Variants in STMP1 observed in about 807,000 individuals in gnomAD.
STMP1 encodes the protein short transmembrane mitochondrial protein 1.
Under a neutral mutation model 7.0 loss-of-function variants are expected in STMP1, and 7 were observed. The observed-to-expected ratio is 1.01, with a 90% CI of 0.57 to 1.89. STMP1 has a LOEUF of 1.89. Ranked by LOEUF, STMP1 falls within the 40% of genes most tolerant of loss-of-function variation. The pLI, the probability that STMP1 is intolerant of heterozygous loss-of-function variation, is 0.00. For missense variants in STMP1, 45 were observed against 53.0 expected (o/e 0.85, Z 0.47); for synonymous variants, 19 against 18.4 (o/e 1.03, Z -0.08).
intron 1 of STMP1, among the ~76,000 whole-genome samples, chr7:135,671,167 G>A (rs898273968): frequency 6.6e-6 from 1 of 152,158 alleles, no homozygotes; most frequent in African/African-American, 2.4e-5. Flanking sequence ...GGCCATATCT[G>A]ATTAATCAAA....
At chr7:135,663,007 T>C (rs1257883304) in intron 1 of STMP1, among the ~76,000 whole-genome samples, 1 of 152,186 alleles carries the variant, frequency 6.6e-6, no homozygotes, top group Non-Finnish European at 1.5e-5. Context: ...GCCCTGCTAG[T>C]TGGCTTTTCT....
chr7:135,672,013 T>C (rs891235730), intron 1 of STMP1, among the ~76,000 whole-genome samples: 2 of 152,224 alleles, frequency 1.3e-5, no homozygotes, highest in African/African-American at 4.8e-5. Flanking sequence ...AGTGTCTTGC[T>C]CTGTCTCCCA....
chr7:135,664,406 A>T (rs1795270569), intron 1 of STMP1, among the ~76,000 whole-genome samples: 2 of 140,168 alleles, frequency 1.4e-5, no homozygotes, highest in African/African-American at 2.7e-5. Context: ...GCTAGAGTCC[A>T]GTGGCACAAT....
At chr7:135,662,741 A>T in intron 1 of STMP1, 147 bp downstream of exon 1, 1 of 889,856 alleles carries the variant, frequency 1.1e-6, no homozygotes, top group Non-Finnish European at 1.7e-6. Context: ...GTCGCCTCGC[A>T]GGGCGGCCGT....
In STMP1 at chr7:135,663,093, C is replaced by G. The variant is rs557292238; in HGVS notation, c.15+499C>G. On this transcript the variant is annotated intron_variant, in intron 1 of 2. Coordinates refer to ENST00000507606, the MANE Select transcript of STMP1 (RefSeq NM_001130929.2). ...TCCGAGAGGCTAAGTCCTCATCAGACCTTTCAGAGTTGGAGGAATGAGTCA... is the reference window on the plus strand; with the variant it reads ...TCCGAGAGGCTAAGTCCTCATCAGAGCTTTCAGAGTTGGAGGAATGAGTCA... Among the ~76,000 whole-genome samples, 349 of 152,280 alleles carry G rather than the reference C, an allele frequency of 2.3e-3. 1 individual carries two copies. The highest frequency in any genetic ancestry group is 7.9e-3 in the African/African-American group (330 of 41,550).
intron 1 of STMP1, among the ~76,000 whole-genome samples, chr7:135,666,450 G>A (rs1424161870): frequency 6.6e-6 from 1 of 152,144 alleles, no homozygotes; most frequent in Non-Finnish European, 1.5e-5. Flanking sequence ...CTTGGTTCGA[G>A]CGATTCTCGT....
chr7:135,675,407 G>C lies in STMP1; in HGVS notation c.*1242G>C, dbSNP rs1175326412. 6.6e-6 allele frequency: 1 copy of C among 151,408 alleles called. No individual in the cohort carries two copies. Among genetic ancestry groups the C allele is most frequent in the Non-Finnish European group, 1.5e-5 (1 of 67,930 alleles). 9.4% of individuals were successfully genotyped at this position (151,408 alleles called of 1,614,324 possible). A position where few individuals can be genotyped will look rare whatever the true frequency, so the allele number is the denominator to read the frequency against. ...TTTTAATGGAGATCATTCTATACCA[G>C]CATGTAAGTAGCAAGGAACCTCATT... On this transcript the variant is annotated 3_prime_UTR_variant, in exon 3 of 3. Coordinates refer to ENST00000507606, the MANE Select transcript of STMP1 (RefSeq NM_001130929.2).
Position 135,670,411 on chromosome 7 carries a change from G to T in STMP1, c.16-2342G>T, listed in dbSNP as rs114442291. 3.4e-3 allele frequency among the ~76,000 whole-genome samples: 515 copies of T among 152,278 alleles called. 3 individuals carry two copies. The highest frequency in any genetic ancestry group is 0.012 in the African/African-American group (488 of 41,554). ...ATTCTTGGCCTGCAAGGAGGTTTCAGACTCATCCAAGACCTCCTATAATCT... is the reference window on the plus strand; with the variant it reads ...ATTCTTGGCCTGCAAGGAGGTTTCATACTCATCCAAGACCTCCTATAATCT... On this transcript the variant is annotated intron_variant, in intron 1 of 2. Coordinates refer to ENST00000507606, the MANE Select transcript of STMP1 (RefSeq NM_001130929.2).
intron 1 of STMP1, among the ~76,000 whole-genome samples, chr7:135,672,155 T>G (rs1795362358): frequency 6.6e-6 from 1 of 152,200 alleles, no homozygotes; most frequent in Non-Finnish European, 1.5e-5. Context: ...AATTTTTGTA[T>G]TTTTAGTAGA....
At chr7:135,663,322 G>A (rs1795255581) in intron 1 of STMP1, among the ~76,000 whole-genome samples, 1 of 152,126 alleles carries the variant, frequency 6.6e-6, no homozygotes, top group African/African-American at 2.4e-5. Flanking sequence ...TTCAAAACTT[G>A]ATGCTTTCAA....
intron 1 of STMP1, among the ~76,000 whole-genome samples, chr7:135,666,345 G>A (rs1383690098): frequency 6.6e-6 from 1 of 150,974 alleles, no homozygotes; most frequent in African/African-American, 2.4e-5. Context: ...ACACTATTAT[G>A]TCTTTGTTTT....
Position 135,674,806 on chromosome 7 carries a change from A to C in STMP1, c.*641A>C, listed in dbSNP as rs554745077. On this transcript the variant is annotated 3_prime_UTR_variant, in exon 3 of 3. Transcript: ENST00000507606. The stretch of plus-strand genomic sequence containing the variant: ...AATGGTCTTTGTCCCAGTAGAGTTC[A>C]TAGTCTATTTAGTGTGCATGTTTTT... The C allele has an allele frequency of 2.6e-5, 4 of 152,340 alleles. 1 individual carries two copies. In the South Asian group the frequency reaches 8.3e-4, roughly 32 times the overall value. The allele number at this position is 152,340 out of a possible 1,614,324, so 9.4% of individuals were successfully genotyped here.
chr7:135,663,580 G>A (rs1256393357), intron 1 of STMP1, among the ~76,000 whole-genome samples: 2 of 152,156 alleles, frequency 1.3e-5, no homozygotes, highest in Non-Finnish European at 2.9e-5. Flanking sequence ...CTGACCTCAA[G>A]TGATCAACCC....
intron 2 of STMP1, 119 bp downstream of exon 2, chr7:135,672,925 C>A: frequency 1.3e-6 from 1 of 773,740 alleles, no homozygotes; most frequent in Non-Finnish European, 2.2e-6. Flanking sequence ...TGAGGCAAAA[C>A]TCCTGAATAT....
intron 1 of STMP1, among the ~76,000 whole-genome samples, chr7:135,664,022 G>A (rs564812487): frequency 7.2e-5 from 11 of 152,336 alleles, no homozygotes; most frequent in East Asian, 1.9e-4. Flanking sequence ...GTAATGGATT[G>A]TTAAATCCAA....
rs1016673364 is a variant in STMP1 at position 135,674,805 on chromosome 7, C to G, written c.*640C>G. 1 of 152,140 alleles carries G rather than the reference C, an allele frequency of 6.6e-6. No homozygotes were observed. Among genetic ancestry groups the G allele is most frequent in the Non-Finnish European group, 1.5e-5 (1 of 68,020 alleles). 9.4% of individuals were successfully genotyped at this position (152,140 alleles called of 1,614,324 possible). A position where few individuals can be genotyped will look rare whatever the true frequency, so the allele number is the denominator to read the frequency against. On this transcript the variant is annotated 3_prime_UTR_variant, in exon 3 of 3. Transcript: ENST00000507606. ...TAATGGTCTTTGTCCCAGTAGAGTT[C>G]ATAGTCTATTTAGTGTGCATGTTTT...
intron 1 of STMP1, among the ~76,000 whole-genome samples, chr7:135,669,705 A>C (rs1263401201): frequency 6.6e-6 from 1 of 152,196 alleles, no homozygotes; most frequent in African/African-American, 2.4e-5. Flanking sequence ...AATGTATTAA[A>C]ATTTTTGGTG....
chr7:135,670,632 C>T (rs144011594), intron 1 of STMP1, among the ~76,000 whole-genome samples: 127 of 152,026 alleles, frequency 8.4e-4, no homozygotes, highest in Non-Finnish European at 1.5e-3. Flanking sequence ...TTGGTAGATC[C>T]GGTAGTATTC....
intron 1 of STMP1, among the ~76,000 whole-genome samples, chr7:135,663,046 G>C (rs1025035983): frequency 6.6e-6 from 1 of 152,170 alleles, no homozygotes; most frequent in Non-Finnish European, 1.5e-5. Flanking sequence ...GGAATAAACC[G>C]TAAATTAGCC....
Sources: gnomAD v4.1 joint callset for allele counts (sites outside exome capture counted in the v4.1 genomes callset) on GRCh38, gnomAD v4.1.1 for gene constraint, MANE v1.5 for transcripts, NCBI Gene and HGNC (gene_info 2026-07-23, HGNC 2026-07-21) for gene names.